ATAD1: variants seen among roughly 807,000 people sequenced by gnomAD.
ATAD1 encodes ATPase family AAA domain containing 1, also known as outer mitochondrial transmembrane helix translocase.
A neutral mutation model predicts 42.7 loss-of-function variants in ATAD1; 18 were observed. That is an observed-to-expected ratio of 0.42 (90% CI 0.29 to 0.63). The LOEUF (loss-of-function observed/expected upper bound fraction) is 0.63, where lower values mean the gene tolerates loss of function less well. ATAD1 is among the 20% of genes least tolerant of loss of function. The pLI is 0.19. For missense variants in ATAD1, 294 were observed against 440.4 expected (o/e 0.67, Z 2.98); for synonymous variants, 132 against 143.1 (o/e 0.92, Z 0.55).
At chr10:87,817,373 G>A (rs541021565) in intron 1 of ATAD1, among the ~76,000 whole-genome samples, 61 of 152,200 alleles carry the variant, frequency 4.0e-4, no homozygotes, top group Middle Eastern at 3.2e-3. Flanking sequence ...TACGATGATA[G>A]TGCTGTATGC....
At chr10:87,810,895 G>A (rs1185224575) in intron 2 of ATAD1, among the ~76,000 whole-genome samples, 3 of 152,066 alleles carry the variant, frequency 2.0e-5, no homozygotes, top group Non-Finnish European at 4.4e-5. Context: ...TTTGTATACT[G>A]AGCCCCTCTG....
chr10:87,793,933 T>TA (rs535126189), intron 2 of ATAD1, among the ~76,000 whole-genome samples: 61 of 146,540 alleles, frequency 4.2e-4, no homozygotes, highest in South Asian at 1.1e-3. Flanking sequence ...TTAATAGCTT[T>TA]AAAAAAAAAA....
Position 87,833,727 on chromosome 10 carries a change from CTTTTTTTTTTT to C in ATAD1, c.-14+7449_-14+7459del, listed in dbSNP as rs3033524. Among the ~76,000 whole-genome samples, 3 of 100,764 alleles carry C rather than the reference CTTTTTTTTTTT, an allele frequency of 3.0e-5. No homozygotes were observed. The East Asian group carries it at 8.2e-4, about 28-fold the overall frequency. The allele number at this position is 100,764 out of a possible 152,430, so 66.1% of individuals were successfully genotyped here. A position where few individuals can be genotyped will look rare whatever the true frequency, so the allele number is the denominator to read the frequency against. Reference sequence around the variant, plus strand: ...CTTTCTCTCTCTCTTTCTTTCTTTCCTTTTTTTTTTTTTTTTTTTTGATAGAGTCTTGCTCT... The same window carrying C: ...CTTTCTCTCTCTCTTTCTTTCTTTCCTTTTTTTTTGATAGAGTCTTGCTCT... On this transcript the variant is annotated intron_variant, in intron 1 of 4. Coordinates refer to the ATAD1 transcript ENST00000495903.
At chr10:87,803,717 T>C (rs548714159) in intron 2 of ATAD1, among the ~76,000 whole-genome samples, 1 of 152,386 alleles carries the variant, frequency 6.6e-6, no homozygotes, top group Admixed American at 6.5e-5. Flanking sequence ...GGCTGTGTCA[T>C]GGGTGCATGT....
chr10:87,818,888 C>G (rs1029756842), upstream of ATAD1: 1 of 152,284 alleles, frequency 6.6e-6, no homozygotes, highest in African/African-American at 2.4e-5. Context: ...TCTTTCACCC[C>G]TTTTCCTTTC....
Position 87,790,291 on chromosome 10 carries a change from A to C in ATAD1, c.382+19T>G. The C allele has an allele frequency of 6.2e-7, 1 of 1,604,372 alleles. No individual in the cohort carries two copies. Among genetic ancestry groups the C allele is most frequent in the Non-Finnish European group, 8.5e-7 (1 of 1,177,976 alleles). Reference sequence around the variant, plus strand: ...TCTAGGATTTTAATGCTTTAGGCGAATATATACCTTTACCATACCTTTTGG... The same window carrying C: ...TCTAGGATTTTAATGCTTTAGGCGACTATATACCTTTACCATACCTTTTGG... On this transcript the variant is annotated intron_variant, in intron 4 of 9. Coordinates refer to ENST00000680024, the MANE Select transcript of ATAD1 (RefSeq NM_001321967.2).
chr10:87,828,120 G>A (rs981890060), intron 1 of ATAD1, among the ~76,000 whole-genome samples: 1 of 151,914 alleles, frequency 6.6e-6, no homozygotes. Flanking sequence ...ACTGAGCCTG[G>A]CTAATTTTTT....
At chr10:87,824,098 T>C (rs1857681011) in intron 1 of ATAD1, among the ~76,000 whole-genome samples, 1 of 148,380 alleles carries the variant, frequency 6.7e-6, no homozygotes, top group Non-Finnish European at 1.5e-5. Context: ...TCCTATAATA[T>C]ATTATCATCT....
chr10:87,757,415 A>G (rs1388060249), intron 8 of ATAD1, among the ~76,000 whole-genome samples: 3 of 152,188 alleles, frequency 2.0e-5, no homozygotes, highest in African/African-American at 7.2e-5. Flanking sequence ...TGTCCTAGCC[A>G]CATAATAGAC....
chr10:87,794,491 G>A (rs898024965), intron 2 of ATAD1, among the ~76,000 whole-genome samples: 4 of 152,094 alleles, frequency 2.6e-5, no homozygotes, highest in Admixed American at 1.3e-4. Flanking sequence ...TTTAAGCAAC[G>A]CTCGAAGACA....
intron 5 of ATAD1, among the ~76,000 whole-genome samples, chr10:87,783,151 G>A (rs1186181753): frequency 6.6e-6 from 1 of 152,134 alleles, no homozygotes; most frequent in Admixed American, 6.5e-5. Context: ...GGCCAAGGCA[G>A]GGCAGATTGC....
chr10:87,778,328 T>C (rs1347482259), intron 5 of ATAD1, among the ~76,000 whole-genome samples: 1 of 151,942 alleles, frequency 6.6e-6, no homozygotes, highest in Non-Finnish European at 1.5e-5. Flanking sequence ...AAACATACTA[T>C]AAATATAAGG....
At chr10:87,819,419 T>C (rs980862171), upstream of ATAD1, among the ~76,000 whole-genome samples, 1 of 152,118 alleles carries the variant, frequency 6.6e-6, no homozygotes, top group Non-Finnish European at 1.5e-5. Context: ...CACTCCAGCC[T>C]GGGCGACAGA....
At chr10:87,778,178 T>TAAAAAAAAAAAAAAAAAAA (rs377243162) in intron 5 of ATAD1, among the ~76,000 whole-genome samples, 1 of 88,762 alleles carries the variant, frequency 1.1e-5, no homozygotes, top group Non-Finnish European at 2.3e-5. Context: ...TAGAATAAAT[T>TAAAAAAAAAAAAAAAAAAA]AAAAAAAAAA....
chr10:87,800,195 T>TAC (rs956885080), intron 2 of ATAD1, among the ~76,000 whole-genome samples: 6 of 152,048 alleles, frequency 3.9e-5, no homozygotes, highest in African/African-American at 9.7e-5. Context: ...TATATATATA[T>TAC]ACACACACAC....
intron 1 of ATAD1, chr10:87,817,940 G>T: frequency 2.0e-6 from 2 of 985,572 alleles, no homozygotes; most frequent in Non-Finnish European, 2.4e-6. Context: ...CAGACCCTAA[G>T]GGCCCAGGCC....
intron 8 of ATAD1, among the ~76,000 whole-genome samples, chr10:87,764,826 G>T (rs1311247530): frequency 1.3e-5 from 2 of 152,124 alleles, no homozygotes; most frequent in East Asian, 3.9e-4. Context: ...TTAAAAGGTT[G>T]GGTGTGTGGG....
At chr10:87,772,586 G>A (rs1335565274) in intron 6 of ATAD1, among the ~76,000 whole-genome samples, 2 of 151,936 alleles carry the variant, frequency 1.3e-5, no homozygotes, top group Non-Finnish European at 2.9e-5. Context: ...ATTTGGGGGG[G>A]AAAAAGGGAA....
intron 2 of ATAD1, among the ~76,000 whole-genome samples, chr10:87,798,471 G>A (rs1156253484): frequency 6.6e-6 from 1 of 151,928 alleles, no homozygotes; most frequent in Non-Finnish European, 1.5e-5. Flanking sequence ...CTCTTTCTGT[G>A]TCTTTCATTT....
Sources: allele counts gnomAD v4.1 joint callset (sites outside exome capture counted in the v4.1 genomes callset), GRCh38; gene constraint gnomAD v4.1.1; transcripts MANE v1.5; gene names NCBI Gene and HGNC (gene_info 2026-07-23, HGNC 2026-07-21).